Variants in KHDRBS2 observed in about 807,000 individuals in gnomAD.
KHDRBS2 encodes KH RNA binding domain containing, signal transduction associated 2.
A neutral mutation model predicts 44.3 loss-of-function variants in KHDRBS2; 26 were observed. That is an observed-to-expected ratio of 0.59 (90% CI 0.43 to 0.81). The LOEUF is 0.81. KHDRBS2 is among the 40% of genes least tolerant of loss of function. KHDRBS2 has a pLI of 0.00. For missense variants in KHDRBS2, 476 were observed against 433.1 expected, an observed-to-expected ratio of 1.10 and a Z score of -0.88; for synonymous variants, 194 against 151.1, an observed-to-expected ratio of 1.28 and a Z score of -2.08.
At chr6:62,274,596 G>A (rs553872734) in intron 1 of KHDRBS2, among the ~76,000 whole-genome samples, 2 of 152,158 alleles carry the variant, frequency 1.3e-5, no homozygotes, top group South Asian at 4.2e-4. Flanking sequence ...CCACATCCAT[G>A]TATAATTCTC....
the KHDRBS2 span, among the ~76,000 whole-genome samples, chr6:61,644,780 T>C: frequency 6.6e-6 from 1 of 152,042 alleles, no homozygotes. Flanking sequence ...CTAGTCAGGA[T>C]GGCTATTATT....
chr6:61,983,663 A>C (rs1774439502), intron 3 of KHDRBS2, among the ~76,000 whole-genome samples: 1 of 152,186 alleles, frequency 6.6e-6, no homozygotes, highest in Non-Finnish European at 1.5e-5. Flanking sequence ...AAAAAACTCC[A>C]GCAGAGGAAA....
At chr6:61,761,084 C>T (rs1347069540) in intron 6 of KHDRBS2, among the ~76,000 whole-genome samples, 2 of 152,160 alleles carry the variant, frequency 1.3e-5, no homozygotes, top group Non-Finnish European at 2.9e-5. Flanking sequence ...CGTGGATGAG[C>T]TTCATATGCT....
intron 1 of KHDRBS2, among the ~76,000 whole-genome samples, chr6:62,201,415 T>G (rs1826963380): frequency 6.6e-6 from 1 of 152,112 alleles, no homozygotes; most frequent in South Asian, 2.1e-4. Context: ...CTTAGAATAT[T>G]AGTGTGTAGT....
intron 3 of KHDRBS2, among the ~76,000 whole-genome samples, chr6:62,007,852 G>T (rs1719081444): frequency 6.6e-6 from 1 of 152,082 alleles, no homozygotes; most frequent in Non-Finnish European, 1.5e-5. Flanking sequence ...ATTTGATGCT[G>T]TAGAAACAAT....
rs532477627 is a variant in KHDRBS2, at chr6:61,937,338, C to T, written c.484-35967G>A. Among the ~76,000 whole-genome samples, 5 of 151,966 alleles carry T rather than the reference C, an allele frequency of 3.3e-5. No individual in the cohort carries two copies. The South Asian group carries it at 8.3e-4, about 25-fold the overall frequency. On this transcript the variant is annotated intron_variant, in intron 4 of 8. Coordinates refer to ENST00000281156, the MANE Select transcript of KHDRBS2 (RefSeq NM_152688.4). ...TTATTTCTTCTTTCATTTATTCAACCATATCAGATATTCTTATTTTAAAAT... is the reference window on the plus strand; with the variant it reads ...TTATTTCTTCTTTCATTTATTCAACTATATCAGATATTCTTATTTTAAAAT...
At chr6:62,070,079 T>C (rs1794633622) in intron 2 of KHDRBS2, among the ~76,000 whole-genome samples, 1 of 151,738 alleles carries the variant, frequency 6.6e-6, no homozygotes, top group Non-Finnish European at 1.5e-5. Flanking sequence ...TGGTTTTTGC[T>C]CCTTATTTAA....
chr6:61,791,287 C>T (rs140828900), intron 6 of KHDRBS2, among the ~76,000 whole-genome samples: 2 of 150,876 alleles, frequency 1.3e-5, no homozygotes, highest in East Asian at 1.9e-4. Context: ...TCTTTGGGAC[C>T]GATTTTCTTT....
At chr6:62,281,035 T>C (rs1269204369) in intron 1 of KHDRBS2, among the ~76,000 whole-genome samples, 4 of 152,250 alleles carry the variant, frequency 2.6e-5, no homozygotes, top group Admixed American at 2.6e-4. Context: ...AACATGTGGG[T>C]TTAAGATGAA....
chr6:62,163,262 G>A (rs1021383285), intron 2 of KHDRBS2, among the ~76,000 whole-genome samples: 7 of 151,990 alleles, frequency 4.6e-5, no homozygotes, highest in African/African-American at 9.7e-5. Context: ...TTTAATTCCC[G>A]TGATTTCTTT....
chr6:61,664,709 G>C, the KHDRBS2 span, among the ~76,000 whole-genome samples: 1 of 151,698 alleles, frequency 6.6e-6, no homozygotes, highest in Non-Finnish European at 1.5e-5. Context: ...TCATATACCT[G>C]ATGGGTAGAA....
chr6:62,088,971 G>A (rs528923110), intron 2 of KHDRBS2, among the ~76,000 whole-genome samples: 1 of 152,222 alleles, frequency 6.6e-6, no homozygotes, highest in African/African-American at 2.4e-5. Context: ...TTGCCCAGTG[G>A]CAGTGGGCTC....
At chr6:61,559,901 A>G in the KHDRBS2 span, among the ~76,000 whole-genome samples, 1 of 152,302 alleles carries the variant, frequency 6.6e-6, no homozygotes, top group East Asian at 1.9e-4. Flanking sequence ...TACAGTTAAC[A>G]GTGAATTTTG....
At chr6:61,898,222 G>A (rs1803293555) in intron 5 of KHDRBS2, among the ~76,000 whole-genome samples, 1 of 151,814 alleles carries the variant, frequency 6.6e-6, no homozygotes, top group South Asian at 2.1e-4. Flanking sequence ...CTCATGTTAT[G>A]CAAAGTTCTC....
Position 62,093,856 on chromosome 6 carries a change from T to TTGTGTGTGTGTGTGTGTGTGTGTGTGTG in KHDRBS2, c.220-45890_220-45863dup. Among the ~76,000 whole-genome samples the TTGTGTGTGTGTGTGTGTGTGTGTGTGTG allele has an allele frequency of 2.1e-5, 3 of 143,308 alleles. No homozygotes were observed. The South Asian group carries it at 6.7e-4, about 32-fold the overall frequency. 94.0% of individuals were successfully genotyped at this position (143,308 alleles called of 152,430 possible). On this transcript the variant is annotated intron_variant, in intron 2 of 8. Transcript: ENST00000281156. ...TTATGGTGAATAGTATTCCATTGTT[T>TTGTGTGTGTGTGTGTGTGTGTGTGTGTG]TGTGTGTGTGTGTGTGTGTGTGTGT...
intron 6 of KHDRBS2, among the ~76,000 whole-genome samples, chr6:61,782,731 A>G (rs1783175853): frequency 7.1e-6 from 1 of 139,866 alleles, no homozygotes; most frequent in Admixed American, 7.3e-5. Context: ...ATATATATAT[A>G]TATATATACA....
chr6:61,962,703 T>C (rs770300704), intron 4 of KHDRBS2, among the ~76,000 whole-genome samples: 1 of 152,060 alleles, frequency 6.6e-6, no homozygotes, highest in Non-Finnish European at 1.5e-5. Flanking sequence ...ATTTTCATTA[T>C]CAATTTTCAT....
chr6:62,265,116 G>C (rs568844132), intron 1 of KHDRBS2, among the ~76,000 whole-genome samples: 6 of 152,028 alleles, frequency 3.9e-5, no homozygotes, highest in African/African-American at 1.4e-4. Flanking sequence ...GAACTATTAA[G>C]CTTAAAGTTT....
intron 2 of KHDRBS2, among the ~76,000 whole-genome samples, chr6:62,150,221 C>T (rs1486273910): frequency 6.6e-6 from 1 of 151,476 alleles, no homozygotes; most frequent in Non-Finnish European, 1.5e-5. Flanking sequence ...TGTCTCTTTT[C>T]AGTAATGGCC....
Sources: allele counts gnomAD v4.1 joint callset (sites outside exome capture counted in the v4.1 genomes callset), GRCh38; gene constraint gnomAD v4.1.1; transcripts MANE v1.5; gene names NCBI Gene and HGNC (gene_info 2026-07-23, HGNC 2026-07-21).